Variants in STXBP5L observed in about 807,000 individuals in gnomAD.
STXBP5L encodes the protein syntaxin-binding protein 5-like.
In STXBP5L, 65 loss-of-function variants were observed where a neutral mutation model predicts 144.5. The ratio of observed to expected loss-of-function variants is 0.45; its 90% confidence interval spans 0.37 to 0.55. The LOEUF is 0.55. Ranked by LOEUF, STXBP5L falls within the 20% of genes least tolerant of loss-of-function variation. The pLI is 0.00. For synonymous variants in STXBP5L, 505 were observed against 469.6 expected, an observed-to-expected ratio of 1.08 and a Z score of -0.97; for missense variants, 1,298 against 1,405.5, an observed-to-expected ratio of 0.92 and a Z score of 1.22.
chr3:121,376,744 A>G (rs2046195116), intron 20 of STXBP5L, among the ~76,000 whole-genome samples: 1 of 152,166 alleles, frequency 6.6e-6, no homozygotes, highest in South Asian at 2.1e-4. Context: ...ATGAAACTTA[A>G]AGTAGCTTTT....
chr3:121,385,203 C>T (rs892894409), intron 22 of STXBP5L, among the ~76,000 whole-genome samples: 1 of 152,048 alleles, frequency 6.6e-6, no homozygotes, highest in African/African-American at 2.4e-5. Context: ...GTTTAATTGG[C>T]TAATAGCTCT....
chr3:121,087,365 G>A (rs901254353), intron 5 of STXBP5L, among the ~76,000 whole-genome samples: 1 of 151,898 alleles, frequency 6.6e-6, no homozygotes, highest in South Asian at 2.1e-4. Flanking sequence ...CAGCCTGTTT[G>A]GTGCATTCAC....
At chr3:121,322,614 G>A (rs1465517057) in intron 20 of STXBP5L, among the ~76,000 whole-genome samples, 1 of 150,030 alleles carries the variant, frequency 6.7e-6, no homozygotes, top group African/African-American at 2.5e-5. Flanking sequence ...ATTGTGTATA[G>A]TGTTGCAATG....
At chr3:121,160,527 A>C (rs954115992) in intron 9 of STXBP5L, among the ~76,000 whole-genome samples, 24 of 152,206 alleles carry the variant, frequency 1.6e-4, no homozygotes, top group Admixed American at 1.0e-3. Flanking sequence ...ATACAGGAGG[A>C]TGTATGTAGA....
intron 19 of STXBP5L, among the ~76,000 whole-genome samples, chr3:121,317,373 C>A (rs539936442): frequency 1.3e-5 from 2 of 152,138 alleles, no homozygotes; most frequent in Non-Finnish European, 2.9e-5. Context: ...AGCTTAAACT[C>A]TTTGAAGTTA....
chr3:121,022,782 A>G (rs1297779662), intron 3 of STXBP5L, among the ~76,000 whole-genome samples: 1 of 152,314 alleles, frequency 6.6e-6, no homozygotes, highest in East Asian at 1.9e-4. Flanking sequence ...ATCTGTGACA[A>G]ACCCACAGCC....
At chr3:121,355,947 C>A (rs2045495697) in intron 20 of STXBP5L, among the ~76,000 whole-genome samples, 1 of 152,178 alleles carries the variant, frequency 6.6e-6, no homozygotes, top group Non-Finnish European at 1.5e-5. Flanking sequence ...AGTCAGGTTC[C>A]TCAGCTGGTG....
chr3:121,382,315 C>G (rs1017360397), intron 22 of STXBP5L, among the ~76,000 whole-genome samples: 1 of 151,912 alleles, frequency 6.6e-6, no homozygotes, highest in Non-Finnish European at 1.5e-5. Flanking sequence ...AACTAGTGTG[C>G]TAAGTTCATA....
intron 3 of STXBP5L, among the ~76,000 whole-genome samples, chr3:121,006,237 T>C (rs1262497320): frequency 1.3e-5 from 2 of 152,218 alleles, no homozygotes; most frequent in Non-Finnish European, 2.9e-5. Flanking sequence ...TGGGTGCCCC[T>C]GTATTGGGTG....
At chr3:121,160,204 A>G (rs2046270932) in intron 9 of STXBP5L, among the ~76,000 whole-genome samples, 1 of 152,162 alleles carries the variant, frequency 6.6e-6, no homozygotes, top group Admixed American at 6.5e-5. Context: ...AGAGAGTGCT[A>G]TTAAATTTCC....
intron 3 of STXBP5L, among the ~76,000 whole-genome samples, chr3:121,029,499 C>G (rs529992600): frequency 6.6e-6 from 1 of 152,098 alleles, no homozygotes; most frequent in East Asian, 1.9e-4. Flanking sequence ...TGAAACTGGA[C>G]CCTTTCCTTA....
Position 121,238,964 on chromosome 3 carries a change from C to T in STXBP5L, c.1185-7C>T, listed in dbSNP as rs1302834374. The T allele has an allele frequency of 1.9e-6, 3 of 1,563,508 alleles. No individual in the cohort carries two copies. The East Asian group carries it at 6.9e-5, about 36-fold the overall frequency. ...AATAACACTGATATATTGTCTTTAT[C>T]TATTAGTTTTCCAATCTTTGAAAAT... On this transcript the variant is annotated splice_polypyrimidine_tract_variant and splice_region_variant and intron_variant, in intron 12 of 26. Coordinates refer to ENST00000471454, the MANE Select transcript of STXBP5L (RefSeq NM_001308330.2).
At chr3:120,973,256 TTGG>T (rs1464463918) in intron 3 of STXBP5L, among the ~76,000 whole-genome samples, 1 of 152,116 alleles carries the variant, frequency 6.6e-6, no homozygotes, top group African/African-American at 2.4e-5. Flanking sequence ...CTGCTCATTA[TTGG>T]TATTTTCTTG....
chr3:121,385,103 G>C (rs938045435), intron 22 of STXBP5L, among the ~76,000 whole-genome samples: 4 of 151,978 alleles, frequency 2.6e-5, no homozygotes, highest in African/African-American at 9.7e-5. Flanking sequence ...AGATTCTCCA[G>C]AATAAATTCA....
chr3:121,280,971 A>G (rs1274382291), intron 19 of STXBP5L, among the ~76,000 whole-genome samples: 1 of 151,166 alleles, frequency 6.6e-6, no homozygotes, highest in Admixed American at 6.6e-5. Context: ...TAAAATTTCT[A>G]CATTGTATTA....
At chr3:121,152,044 C>T (rs1394855902) in intron 7 of STXBP5L, among the ~76,000 whole-genome samples, 3 of 151,824 alleles carry the variant, frequency 2.0e-5, no homozygotes, top group East Asian at 3.9e-4. Flanking sequence ...ATATTGAATT[C>T]GGTCAAAGAG....
intron 3 of STXBP5L, among the ~76,000 whole-genome samples, chr3:120,960,424 A>T (rs1057187386): frequency 6.6e-6 from 1 of 152,238 alleles, no homozygotes; most frequent in African/African-American, 2.4e-5. Flanking sequence ...TACCGAAAGG[A>T]GTATAAATCA....
intron 5 of STXBP5L, among the ~76,000 whole-genome samples, chr3:121,055,529 G>A (rs1948394387): frequency 2.0e-5 from 3 of 151,894 alleles, no homozygotes; most frequent in Admixed American, 2.0e-4. Context: ...ATTATTATTG[G>A]AGACAGGGTC....
chr3:121,299,864 C>G (rs2051816041), intron 19 of STXBP5L, among the ~76,000 whole-genome samples: 1 of 151,560 alleles, frequency 6.6e-6, no homozygotes, highest in African/African-American at 2.4e-5. Context: ...AGCTGTGGTC[C>G]CAGCTACTTG....
Sources: gnomAD v4.1 joint callset for allele counts (sites outside exome capture counted in the v4.1 genomes callset) on GRCh38, gnomAD v4.1.1 for gene constraint, MANE v1.5 for transcripts, NCBI Gene and HGNC (gene_info 2026-07-23, HGNC 2026-07-21) for gene names.